CTBP2: variants seen among roughly 807,000 people sequenced by gnomAD.
CTBP2 encodes the protein C-terminal binding protein 2, also known as C-terminal-binding protein 2.
In CTBP2, 30 loss-of-function variants were observed where a neutral mutation model predicts 80.3. The ratio of observed to expected loss-of-function variants is 0.37; its 90% CI spans 0.28 to 0.51. The LOEUF (loss-of-function observed/expected upper bound fraction) is 0.51, where lower values mean the gene tolerates loss of function less well. Among genes scored for constraint, CTBP2 ranks in the 20% least tolerant of loss-of-function variants. CTBP2 has a pLI of 0.93. For missense variants in CTBP2, 1,212 were observed against 1,375.3 expected (o/e 0.88, Z 1.88); for synonymous variants, 594 against 587.4 (o/e 1.01, Z -0.16).
intron 2 of CTBP2, among the ~76,000 whole-genome samples, chr10:125,063,444 C>A (rs982769534): frequency 6.6e-6 from 1 of 152,182 alleles, no homozygotes; most frequent in Non-Finnish European, 1.5e-5. Context: ...GGCAAGGACA[C>A]CCCAGGATAA....
chr10:125,039,015 A>G lies in CTBP2; in HGVS notation c.40T>C (p.Leu14=), dbSNP rs773244071. 41 of 1,613,364 alleles carry G rather than the reference A, an allele frequency of 2.5e-5. 1 individual carries two copies. In the Admixed American group the frequency reaches 5.2e-4, roughly 20 times the overall value. The change falls in exon 3 of 11, where the codon TTG becomes CTG. Residue 14 remains leucine (L), a synonymous_variant. Coordinates refer to the CTBP2 transcript ENST00000337195. The stretch of plus-strand genomic sequence containing the variant: ...CTCTTACCTTCACAAATTCTGTCCA[A>G]TCGCTGTCTCTTGACTTTGTGCTTA...
intron 2 of CTBP2, among the ~76,000 whole-genome samples, chr10:125,106,082 C>T (rs1185287509): frequency 1.3e-5 from 2 of 152,230 alleles, no homozygotes; most frequent in African/African-American, 4.8e-5. Context: ...GGCTGCCATC[C>T]CTCAGTTCAG....
intron 3 of CTBP2, among the ~76,000 whole-genome samples, chr10:125,038,755 C>T (rs575733384): frequency 2.6e-4 from 39 of 152,340 alleles, no homozygotes; most frequent in Admixed American, 5.2e-4. Flanking sequence ...ACCTCAGGGC[C>T]CACCAGCCCT....
intron 2 of CTBP2, among the ~76,000 whole-genome samples, chr10:125,104,225 T>C (rs1851098396): frequency 6.6e-6 from 1 of 152,224 alleles, no homozygotes; most frequent in Non-Finnish European, 1.5e-5. Flanking sequence ...AGGAGGACCC[T>C]GTGCGGGCGC....
chr10:125,156,609 A>C (rs1435606876), intron 1 of CTBP2, among the ~76,000 whole-genome samples: 1 of 152,100 alleles, frequency 6.6e-6, no homozygotes, highest in Non-Finnish European at 1.5e-5. Context: ...TTTGTATTTT[A>C]ACAGCAATGG....
intron 1 of CTBP2, among the ~76,000 whole-genome samples, chr10:125,150,756 C>G (rs986161378): frequency 6.7e-6 from 1 of 150,056 alleles, no homozygotes; most frequent in Non-Finnish European, 1.5e-5. Context: ...AGAGTCTGAC[C>G]CACGTATTCA....
At chr10:125,072,204 C>T (rs943357639) in intron 2 of CTBP2, among the ~76,000 whole-genome samples, 8 of 152,054 alleles carry the variant, frequency 5.3e-5, no homozygotes, top group African/African-American at 9.7e-5. Context: ...TCCAGCTACT[C>T]GGGAGGCTGT....
At chr10:125,009,442 C>A (rs901423969) in intron 1 of CTBP2, among the ~76,000 whole-genome samples, 2 of 152,180 alleles carry the variant, frequency 1.3e-5, no homozygotes, top group Non-Finnish European at 1.5e-5. Context: ...ACAGCCGAAC[C>A]TGAGGCCCCG....
chr10:125,045,104 G>C (rs1185339738), intron 2 of CTBP2, among the ~76,000 whole-genome samples: 1 of 152,142 alleles, frequency 6.6e-6, no homozygotes, highest in East Asian at 1.9e-4. Context: ...GCCTCTGGAG[G>C]TGATTCATGA....
chr10:125,025,982 G>T (rs1957492355), intron 1 of CTBP2: 3 of 1,432,056 alleles, frequency 2.1e-6, no homozygotes, highest in South Asian at 1.4e-5. Flanking sequence ...GTGTGGCCTG[G>T]TGAGTGAGGA....
In CTBP2 at chr10:125,071,954, G is replaced by A. The variant is rs562619630; in HGVS notation, c.-101-32799C>T. Among the ~76,000 whole-genome samples the A allele has an allele frequency of 3.3e-5, 5 of 152,280 alleles. No homozygotes were observed. The South Asian group carries it at 1.0e-3, about 32-fold the overall frequency. On this transcript the variant is annotated intron_variant, in intron 2 of 10. Coordinates refer to the CTBP2 transcript ENST00000337195. ...GCAGGGTACTTGGTGGAAGACAAGA[G>A]GTCAAGACAGGCACTTCCTCTGGGC...
In CTBP2 at chr10:124,986,279, A is replaced by G. The variant is rs1952034275; in HGVS notation, c.*3239T>C. On this transcript the variant is annotated 3_prime_UTR_variant, in exon 9 of 9. Transcript: ENST00000309035. Reference sequence around the variant, plus strand: ...AGGAATTTGGAAAGACGACACACGCACGCGCGCGCGCGCACACACACACAC... The same window carrying G: ...AGGAATTTGGAAAGACGACACACGCGCGCGCGCGCGCGCACACACACACAC... 1.8e-5 allele frequency: 2 copies of G among 112,214 alleles called. No homozygotes were observed. The highest frequency in any genetic ancestry group is 3.1e-4 in the South Asian group (1 of 3,272). 7.0% of individuals were successfully genotyped at this position (112,214 alleles called of 1,614,324 possible).
chr10:125,035,428 T>TG (rs1958750436), intron 3 of CTBP2, among the ~76,000 whole-genome samples: 1 of 152,226 alleles, frequency 6.6e-6, no homozygotes, highest in African/African-American at 2.4e-5. Flanking sequence ...ACAACTCAGC[T>TG]GATACCATCC....
intron 2 of CTBP2, among the ~76,000 whole-genome samples, chr10:125,089,868 G>T (rs1283978093): frequency 1.3e-5 from 2 of 152,162 alleles, no homozygotes; most frequent in African/African-American, 2.4e-5. Flanking sequence ...TCTCATCTTG[G>T]CCTCTGTTGG....
In CTBP2 at chr10:125,013,270, C is replaced by A. The variant is rs149209188; in HGVS notation, c.1679-9778G>T. Among the ~76,000 whole-genome samples, 678 of 152,180 alleles carry A rather than the reference C, an allele frequency of 4.5e-3. 9 individuals are homozygous for A. Among genetic ancestry groups the A allele is most frequent in the African/African-American group, 0.016 (660 of 41,494 alleles). On this transcript the variant is annotated intron_variant, in intron 1 of 8. Coordinates refer to ENST00000309035, the MANE Select transcript of CTBP2 (RefSeq NM_022802.3). ...TGTAGCCAAGGGGCCGCCTGGGATA[C>A]CCCTACTTTACATATCCCATGTGGG...
intron 2 of CTBP2, among the ~76,000 whole-genome samples, chr10:125,103,652 G>C (rs946766292): frequency 6.6e-6 from 1 of 152,124 alleles, no homozygotes; most frequent in Non-Finnish European, 1.5e-5. Context: ...AAGTGGCCTC[G>C]AGCAGCTGGA....
chr10:124,992,755 G>T lies in CTBP2; in HGVS notation c.2717C>A (p.Ala906Glu), dbSNP rs753459316. Residue 906 changes from alanine (A) to glutamate (E), a missense_variant, in exon 8 of 9, where the codon GCG becomes GAG. Transcript: ENST00000309035. ...TTGCTGGTCTATTACTGACCAAGGCGCTGATGTGACAAAGAATTCCTTGTT... is the reference window on the plus strand; with the variant it reads ...TTGCTGGTCTATTACTGACCAAGGCTCTGATGTGACAAAGAATTCCTTGTT... 1.2e-6 allele frequency: 2 copies of T among 1,610,064 alleles called. No homozygotes were observed. The highest frequency in any genetic ancestry group is 3.3e-5 in the Admixed American group (2 of 59,720).
At chr10:124,997,862 G>A (rs1217953816) in intron 4 of CTBP2, 102 bp downstream of exon 6, 2 of 1,271,076 alleles carry the variant, frequency 1.6e-6, no homozygotes, top group Middle Eastern at 2.6e-4. Flanking sequence ...TGCCTGCCCT[G>A]GCTCCTCAAG....
At chr10:125,121,745 A>C (rs544051966) in intron 1 of CTBP2, among the ~76,000 whole-genome samples, 1 of 152,346 alleles carries the variant, frequency 6.6e-6, no homozygotes, top group South Asian at 2.1e-4. Flanking sequence ...ATGGGGAAAA[A>C]GGCCTGCGTC....
Sources: allele counts gnomAD v4.1 joint callset (sites outside exome capture counted in the v4.1 genomes callset), GRCh38; gene constraint gnomAD v4.1.1; transcripts MANE v1.5; gene names NCBI Gene and HGNC (gene_info 2026-07-23, HGNC 2026-07-21).